The following KCTD15 variants were observed in gnomAD, a reference collection of about 807,000 sequenced individuals.
KCTD15 encodes the protein BTB/POZ domain-containing protein KCTD15.
In KCTD15, 11 loss-of-function variants were observed where a neutral mutation model predicts 27.2. That is an observed-to-expected ratio of 0.41 (90% confidence interval 0.25 to 0.67). The LOEUF (loss-of-function observed/expected upper bound fraction) is 0.67. KCTD15 is among the 30% of genes least tolerant of loss of function. The probability of loss-of-function intolerance (pLI) is 0.35; values close to 1 mark genes in which losing one functional copy is unlikely to be tolerated. For missense variants in KCTD15, 350 were observed against 409.3 expected (o/e 0.86, Z 1.25); for synonymous variants, 163 against 176.0 (o/e 0.93, Z 0.58).
In KCTD15 at chr19:33,813,027, C is replaced by T. The variant is rs775746819; in HGVS notation, c.*79C>T. On this transcript the variant is annotated 3_prime_UTR_variant, in exon 7 of 7. Transcript: ENST00000683859. ...GGAGTTCTGCCTGTGTATACTTGGC[C>T]GTGGGCATGAGACCGAGGGTGAGGC... 3.0e-5 allele frequency: 43 copies of T among 1,415,660 alleles called. No individual in the cohort carries two copies. The highest frequency in any genetic ancestry group is 4.0e-5 in the Non-Finnish European group (42 of 1,040,094). The allele number at this position is 1,415,660 out of a possible 1,614,324, so 87.7% of individuals were successfully genotyped here.
At chr19:33,802,191 C>T (rs1454034500) in intron 4 of KCTD15, among the ~76,000 whole-genome samples, 4 of 151,316 alleles carry the variant, frequency 2.6e-5, no homozygotes, top group Non-Finnish European at 5.9e-5. Context: ...CTTGCTCAGC[C>T]GAGGATGTTT....
chr19:33,801,941 C>T (rs925542510), intron 4 of KCTD15, among the ~76,000 whole-genome samples: 19 of 152,180 alleles, frequency 1.2e-4, no homozygotes, highest in Non-Finnish European at 2.1e-4. Context: ...GAATGAATCA[C>T]ATACCTCATC....
At chr19:33,804,575 C>T (rs1321006239) in intron 4 of KCTD15, among the ~76,000 whole-genome samples, 7 of 152,226 alleles carry the variant, frequency 4.6e-5, no homozygotes, top group Admixed American at 2.6e-4. Flanking sequence ...CGGTGCCACA[C>T]ATGGACCTCA....
In KCTD15 at chr19:33,808,272, C is replaced by T. The variant is rs149077130; in HGVS notation, c.387+1265C>T. Among the ~76,000 whole-genome samples, 173 of 152,368 alleles carry T rather than the reference C, an allele frequency of 1.1e-3. 1 individual carries two copies. The highest frequency in any genetic ancestry group is 4.0e-3 in the African/African-American group (165 of 41,586). ...TTTCATCCAGCTCAGTTACTGAGTG[C>T]CAGCCTCTGAATTCAGGCTGAAAAC... On this transcript the variant is annotated intron_variant, in intron 5 of 6. Coordinates refer to ENST00000683859, the MANE Select transcript of KCTD15 (RefSeq NM_001129994.2).
At chr19:33,806,663 G>A (rs1975721528) in intron 4 of KCTD15, among the ~76,000 whole-genome samples, 200 bp from the exon 5 acceptor site, 1 of 152,130 alleles carries the variant, frequency 6.6e-6, no homozygotes, top group East Asian at 1.9e-4. Context: ...GGCAGGATGT[G>A]TGGTGTGTCC....
intron 3 of KCTD15, 53 bp downstream of exon 3, chr19:33,800,573 T>C: frequency 6.7e-7 from 1 of 1,488,952 alleles, no homozygotes; most frequent in Non-Finnish European, 9.2e-7. Flanking sequence ...CTTTCCCTTC[T>C]TCCCCAGTGC....
chr19:33,811,504 C>A lies in KCTD15; in HGVS notation c.645C>A (p.His215Gln). The change falls in exon 6 of 7, where the codon CAC becomes CAA. Residue 215 changes from histidine (H) to glutamine (Q), a missense_variant. Around this residue, in one of 3 missense-constraint regions of KCTD15, gnomAD observed 219 missense variants for 234.9 expected, o/e 0.93. Coordinates refer to ENST00000683859, the MANE Select transcript of KCTD15 (RefSeq NM_001129994.2). The stretch of plus-strand genomic sequence containing the variant: ...CCGGCTGGAACCAGGACCCCACGCA[C>A]GTCATCCGCTTCCCGCTCAATGGCT... ...VNAGWNQDPT[H>Q]VIRFPLNGYC... 6.2e-7 allele frequency: 1 copy of A among 1,611,226 alleles called. No individual in the cohort carries two copies. The highest frequency in any genetic ancestry group is 8.5e-7 in the Non-Finnish European group (1 of 1,178,372).
intron 4 of KCTD15, among the ~76,000 whole-genome samples, chr19:33,805,691 G>T (rs1045177346): frequency 6.6e-6 from 1 of 152,216 alleles, no homozygotes; most frequent in African/African-American, 2.4e-5. Flanking sequence ...AGGATGTGGT[G>T]GTGCTGCCCT....
chr19:33,810,669 CAAAAACAAAAAAA>C (rs370565079), intron 5 of KCTD15, among the ~76,000 whole-genome samples: 5,750 of 107,078 alleles, frequency 0.054, 360 homozygotes, highest in African/African-American at 0.18. Context: ...TCTCAAAAAA[CAAAAACAAAAAAA>C]AAAAACAAAA....
intron 1 of KCTD15, among the ~76,000 whole-genome samples, chr19:33,798,095 G>C (rs956321265): frequency 6.6e-6 from 1 of 151,946 alleles, no homozygotes; most frequent in Non-Finnish European, 1.5e-5. Flanking sequence ...CGGGAGGGGG[G>C]GGGTGGGGAG....
intron 5 of KCTD15, 101 bp from the exon 6 acceptor site, chr19:33,811,146 C>T: frequency 3.0e-6 from 3 of 1,013,754 alleles, no homozygotes; most frequent in Non-Finnish European, 4.2e-6. Flanking sequence ...GTCGCAGTTC[C>T]TGCAGAATTG....
At position 33,806,848 on chromosome 19, in the gene KCTD15, G is replaced by C. The variant is rs200767027; in HGVS notation, c.243-15G>C. The C allele has an allele frequency of 6.2e-7, 1 of 1,612,212 alleles. No homozygotes were observed. The highest frequency in any genetic ancestry group is 8.5e-7 in the Non-Finnish European group (1 of 1,178,754). On this transcript the variant is annotated splice_polypyrimidine_tract_variant and intron_variant, in intron 4 of 6. Coordinates refer to ENST00000683859, the MANE Select transcript of KCTD15 (RefSeq NM_001129994.2). Reference sequence around the variant, plus strand: ...CCCATCCCTTCAGACATCCCACCTCGCCTGTCTCTCCCAGGATAAGCCGCC... The same window carrying C: ...CCCATCCCTTCAGACATCCCACCTCCCCTGTCTCTCCCAGGATAAGCCGCC...
chr19:33,810,021 C>A (rs566025352), intron 5 of KCTD15, among the ~76,000 whole-genome samples: 24 of 152,340 alleles, frequency 1.6e-4, no homozygotes, highest in African/African-American at 5.5e-4. Flanking sequence ...GAATCTAGGC[C>A]TCCCTCCAGG....
At chr19:33,811,751 A>T in intron 6 of KCTD15, 199 bp downstream of exon 6, 1 of 1,590,440 alleles carries the variant, frequency 6.3e-7, no homozygotes, top group Non-Finnish European at 8.6e-7. Context: ...GGATGGACTT[A>T]AAAAAATCGA....
At chr19:33,802,342 G>A (rs1975585198) in intron 4 of KCTD15, among the ~76,000 whole-genome samples, 1 of 152,210 alleles carries the variant, frequency 6.6e-6, no homozygotes, top group South Asian at 2.1e-4. Flanking sequence ...GATACTGAGG[G>A]ATCATCTCTG....
chr19:33,811,481 G>A lies in KCTD15; in HGVS notation c.622G>A (p.Gly208Ser), dbSNP rs939600485. ...CGTCATGTGCAACTCCGTCAACGCC[G>A]GCTGGAACCAGGACCCCACGCACGT... is the stretch of plus-strand genomic sequence containing the variant. ...GDVMCNSVNA[G>S]WNQDPTHVIR... The change falls in exon 6 of 7, where the codon GGC becomes AGC. Residue 208 changes from glycine (G) to serine (S), a missense_variant. Around this residue, in one of 3 missense-constraint regions of KCTD15, gnomAD observed 219 missense variants for 234.9 expected, o/e 0.93. Coordinates refer to ENST00000683859, the MANE Select transcript of KCTD15 (RefSeq NM_001129994.2). 1.1e-5 allele frequency: 17 copies of A among 1,612,848 alleles called. No homozygotes were observed. The highest frequency in any genetic ancestry group is 1.4e-5 in the Non-Finnish European group (17 of 1,179,730).
Position 33,813,525 on chromosome 19 carries a change from C to G in KCTD15, c.*577C>G, listed in dbSNP as rs1242958840. 2.5e-6 allele frequency: 1 copy of G among 403,338 alleles called. No homozygotes were observed. Among genetic ancestry groups the G allele is most frequent in the South Asian group, 1.8e-5 (1 of 54,324 alleles). 25.0% of individuals were successfully genotyped at this position (403,338 alleles called of 1,614,324 possible). A position where few individuals can be genotyped will look rare whatever the true frequency, so the allele number is the denominator to read the frequency against. ...CCCAGATGCCTGCAGGGCTGGGGCT[C>G]TCGGGACAGATGCAGGGATGTGTGC... On this transcript the variant is annotated 3_prime_UTR_variant, in exon 7 of 7. Transcript: ENST00000683859.
Position 33,813,573 on chromosome 19 carries a change from TG to T in KCTD15, c.*627del, listed in dbSNP as rs1432633791. 3 of 356,240 alleles carry T rather than the reference TG, an allele frequency of 8.4e-6. No homozygotes were observed. Among genetic ancestry groups the T allele is most frequent in the Non-Finnish European group, 1.7e-5 (3 of 181,570 alleles). The allele number at this position is 356,240 out of a possible 1,614,324, so 22.1% of individuals were successfully genotyped here. ...TGCTGCAGGGCTGCTGGGAGGAGAG[TG>T]GTGGGGGCCTGAGGGCTGAGTGATT... On this transcript the variant is annotated 3_prime_UTR_variant, in exon 7 of 7. Coordinates refer to ENST00000683859, the MANE Select transcript of KCTD15 (RefSeq NM_001129994.2).
intron 5 of KCTD15, among the ~76,000 whole-genome samples, chr19:33,809,709 GTTATTA>G (rs909047705): frequency 1.3e-5 from 2 of 151,826 alleles, no homozygotes; most frequent in Non-Finnish European, 2.9e-5. Context: ...AATTATTATT[GTTATTA>G]TTATTATTAT....
Sources: allele counts gnomAD v4.1 joint callset (sites outside exome capture counted in the v4.1 genomes callset), GRCh38; gene constraint gnomAD v4.1.1; regional missense constraint gnomAD v4.1.1; transcripts MANE v1.5; gene names NCBI Gene and HGNC (gene_info 2026-07-23, HGNC 2026-07-21).